The following SATB2 variants were observed in gnomAD, a reference collection of about 807,000 sequenced individuals.
SATB2 encodes the protein SATB homeobox 2.
Under a neutral mutation model 73.4 loss-of-function variants are expected in SATB2, and 1 was observed. That is an observed-to-expected ratio of 0.01 (90% CI 0.00 to 0.06). SATB2 has a LOEUF of 0.06. Ranked by LOEUF, SATB2 falls within the 10% of genes least tolerant of loss-of-function variation. The pLI, the probability that SATB2 is intolerant of heterozygous loss-of-function variation, is 1.00. For synonymous variants in SATB2, 397 were observed against 367.0 expected (o/e 1.08, Z -0.93); for missense variants, 459 against 945.8 (o/e 0.49, Z 6.75).
In SATB2 at chr2:199,308,733, T is replaced by TG. The variant is rs771183451; in HGVS notation, c.1740+26dup. ...GCTGGCACACAGAGCCCTGATCAGG[T>TG]GGGGTACGGCGGTCGGGGACACTGA... On this transcript the variant is annotated intron_variant, in intron 10 of 10. Transcript: ENST00000417098. The surrounding 1 kb of genome is among the most constrained non-coding windows in gnomAD (Gnocchi z 4.6). The TG allele has an allele frequency of 1.4e-5, 23 of 1,603,696 alleles. No individual in the cohort carries two copies. Among genetic ancestry groups the TG allele is most frequent in the African/African-American group, 2.7e-5 (2 of 74,642 alleles).
chr2:199,283,324 T>C (rs1450687934), intron 10 of SATB2, among the ~76,000 whole-genome samples: 1 of 150,318 alleles, frequency 6.7e-6, no homozygotes, highest in Non-Finnish European at 1.5e-5. Flanking sequence ...TCTCCTGACC[T>C]TGTGATCCAC....
chr2:199,299,064 A>G (rs1335132857), intron 10 of SATB2, among the ~76,000 whole-genome samples: 1 of 152,172 alleles, frequency 6.6e-6, no homozygotes, highest in Admixed American at 6.6e-5. Flanking sequence ...TGTACTAACG[A>G]TGAATTAGCC....
rs192851636 is a variant in SATB2 at position 199,356,750 on chromosome 2, G to C, written c.701-7577C>G. On this transcript the variant is annotated intron_variant, in intron 6 of 10. Transcript: ENST00000417098. ...AATGTTTCACAAGTGCTTTTTAATGGATTTTCTTTAGAAAAAATATATTTA... is the reference window on the plus strand; with the variant it reads ...AATGTTTCACAAGTGCTTTTTAATGCATTTTCTTTAGAAAAAATATATTTA... 1.2e-3 allele frequency among the ~76,000 whole-genome samples: 178 copies of C among 152,068 alleles called. 1 individual carries two copies. Among genetic ancestry groups the C allele is most frequent in the African/African-American group, 4.0e-3 (168 of 41,530 alleles).
At position 199,323,949 on chromosome 2, in the gene SATB2, A is replaced by C. The variant is rs1402503767; in HGVS notation, c.1396T>G (p.Ser466Ala). Residue 466 changes from serine (S) to alanine (A), a missense_variant, in exon 9 of 11, where the codon TCG becomes GCG. Ser to Ala is a moderately conservative substitution (Grantham distance 99, BLOSUM62 1). Transcript: ENST00000417098. ...SSSRTPQAKTSTPTTDLPIKV... is the reference protein window; with the variant it reads ...SSSRTPQAKTATPTTDLPIKV... ...ATAGGGAGGTCTGTTGTCGGTGTCGAGGTTTTGGCCTACCAAGAGACCATG... is the reference window on the plus strand; with the variant it reads ...ATAGGGAGGTCTGTTGTCGGTGTCGCGGTTTTGGCCTACCAAGAGACCATG... The C allele has an allele frequency of 1.2e-6, 2 of 1,613,364 alleles. No homozygotes were observed. The highest frequency in any genetic ancestry group is 1.7e-6 in the Non-Finnish European group (2 of 1,179,502).
chr2:199,367,192 G>A (rs1011343281), intron 6 of SATB2, among the ~76,000 whole-genome samples: 1 of 152,142 alleles, frequency 6.6e-6, no homozygotes, highest in Non-Finnish European at 1.5e-5. Flanking sequence ...GAAACCTTCT[G>A]AGCCACACAT....
At chr2:199,436,289 C>G (rs1050637639) in intron 2 of SATB2, among the ~76,000 whole-genome samples, 4 of 152,084 alleles carry the variant, frequency 2.6e-5, no homozygotes, top group African/African-American at 9.7e-5. Flanking sequence ...TAGGGACTTA[C>G]GTTTTATAAC....
intron 6 of SATB2, among the ~76,000 whole-genome samples, chr2:199,353,024 A>C (rs2105828948): frequency 6.6e-6 from 1 of 152,232 alleles, no homozygotes; most frequent in East Asian, 1.9e-4. Flanking sequence ...ACCAAGAATG[A>C]AAAAAGAAAA....
chr2:199,459,319 C>CCCGCGG (rs982225901), upstream of SATB2, among the ~76,000 whole-genome samples: 6 of 152,002 alleles, frequency 3.9e-5, no homozygotes, highest in East Asian at 3.9e-4. The surrounding 1 kb of genome is among the most constrained non-coding windows in gnomAD (Gnocchi z 4.2). Flanking sequence ...TTTGCCGACT[C>CCCGCGG]CCGCGGCCGC....
chr2:199,346,519 C>T (rs1438577225), intron 7 of SATB2, among the ~76,000 whole-genome samples: 1 of 152,176 alleles, frequency 6.6e-6, no homozygotes, highest in African/African-American at 2.4e-5. Context: ...AAATCGCCTA[C>T]ATAATAGAAA....
chr2:199,306,884 A>C (rs1365968535), intron 10 of SATB2, among the ~76,000 whole-genome samples: 1 of 152,248 alleles, frequency 6.6e-6, no homozygotes, highest in Non-Finnish European at 1.5e-5. Flanking sequence ...AATTTCTCTA[A>C]GTTTCCAACT....
At chr2:199,462,043 G>A (rs1374869101), upstream of SATB2, among the ~76,000 whole-genome samples, 1 of 152,206 alleles carries the variant, frequency 6.6e-6, no homozygotes, top group Admixed American at 6.5e-5. The surrounding 1 kb of genome is among the most constrained non-coding windows in gnomAD (Gnocchi z 5.9). Context: ...CGGGCTCTGA[G>A]GGCCCGGCAT....
rs1338340171 is a variant in SATB2, at chr2:199,455,686, C to T, written c.169+183G>A. 1.2e-4 allele frequency among the ~76,000 whole-genome samples: 19 copies of T among 152,244 alleles called. No individual in the cohort carries two copies. In the South Asian group the frequency reaches 3.9e-3, roughly 32 times the overall value. On this transcript the variant is annotated intron_variant, in intron 2 of 10. Transcript: ENST00000417098. The surrounding 1 kb of genome is among the most constrained non-coding windows in gnomAD (Gnocchi z 4.1). ...GCCACCCTCTGGGTAAAACCACTTT[C>T]TTGTTTTAACTGGAGATGAAGCTAC...
Position 199,301,486 on chromosome 2 carries a change from G to T in SATB2, c.1740+7274C>A, listed in dbSNP as rs975945393. Among the ~76,000 whole-genome samples the T allele has an allele frequency of 1.5e-4, 23 of 152,126 alleles. 1 individual carries two copies. The highest frequency in any genetic ancestry group is 5.3e-4 in the African/African-American group (22 of 41,418). ...CTTTCTATTTCCCAATCTTCTTGAG[G>T]TTATTCTAATATTTTGCCCAACAAA... is the stretch of plus-strand genomic sequence containing the variant. On this transcript the variant is annotated intron_variant, in intron 10 of 10. Coordinates refer to ENST00000417098, the MANE Select transcript of SATB2 (RefSeq NM_001172509.2).
At chr2:199,320,449 G>A (rs1333000336) in intron 9 of SATB2, among the ~76,000 whole-genome samples, 1 of 152,058 alleles carries the variant, frequency 6.6e-6, no homozygotes, top group East Asian at 1.9e-4. Flanking sequence ...ATCCTTCTTG[G>A]ACTCCTTTCC....
At position 199,462,976 on chromosome 2, in the gene SATB2, G is replaced by T. The variant is rs986795738; in HGVS notation, c.-141+1860C>A. Among the ~76,000 whole-genome samples, 3 of 152,208 alleles carry T rather than the reference G, an allele frequency of 2.0e-5. No individual in the cohort carries two copies. The highest frequency in any genetic ancestry group is 6.5e-5 in the Admixed American group (1 of 15,288). ...GAGCTTTCTGCACTGGGCTTCCCGG[G>T]GTAGGAGATGGGCGTCGGGTGTGGG... is the stretch of plus-strand genomic sequence containing the variant. On this transcript the variant is annotated intron_variant, in intron 1 of 11. Transcript: ENST00000260926. The surrounding 1 kb of genome is among the most constrained non-coding windows in gnomAD (Gnocchi z 5.9).
chr2:199,347,718 T>C (rs1277266618), intron 7 of SATB2: 4 of 152,228 alleles, frequency 2.6e-5, no homozygotes, highest in Non-Finnish European at 4.4e-5. Context: ...AACTATTGCT[T>C]ACACTCTCCA....
In SATB2 at chr2:199,271,226, C is replaced by T. The variant is rs1692145673; in HGVS notation, c.*985G>A. On this transcript the variant is annotated 3_prime_UTR_variant, in exon 11 of 11. Coordinates refer to ENST00000417098, the MANE Select transcript of SATB2 (RefSeq NM_001172509.2). Reference sequence around the variant, plus strand: ...CAAAATGTGGCTCATACTATGAATTCCATATGTCCAATGTCAAAATGTCAT... The same window carrying T: ...CAAAATGTGGCTCATACTATGAATTTCATATGTCCAATGTCAAAATGTCAT... The T allele has an allele frequency of 6.5e-6, 1 of 152,718 alleles. No homozygotes were observed. The highest frequency in any genetic ancestry group is 6.5e-5 in the Admixed American group (1 of 15,268). The allele number at this position is 152,718 out of a possible 1,614,324, so 9.5% of individuals were successfully genotyped here.
At chr2:199,377,173 G>A (rs971623095) in intron 5 of SATB2, among the ~76,000 whole-genome samples, 14 of 152,082 alleles carry the variant, frequency 9.2e-5, no homozygotes, top group Non-Finnish European at 1.8e-4. Flanking sequence ...TCAGAAGATC[G>A]AGACCATCCT....
chr2:199,361,226 G>T (rs1034488664), intron 6 of SATB2, among the ~76,000 whole-genome samples: 1 of 152,004 alleles, frequency 6.6e-6, no homozygotes, highest in African/African-American at 2.4e-5. Context: ...CAGCAATTTC[G>T]TCTCCATTGG....
Sources: allele counts gnomAD v4.1 joint callset (sites outside exome capture counted in the v4.1 genomes callset), GRCh38; gene constraint gnomAD v4.1.1; non-coding constraint Gnocchi (gnomAD v3.1); transcripts MANE v1.5; gene names NCBI Gene and HGNC (gene_info 2026-07-23, HGNC 2026-07-21).